SPATA20: variants seen among roughly 807,000 people sequenced by gnomAD.
SPATA20 encodes the protein spermatogenesis-associated protein 20.
A neutral mutation model predicts 98.9 loss-of-function variants in SPATA20; 74 were observed. That is an observed-to-expected ratio of 0.75 (90% confidence interval 0.62 to 0.91). The LOEUF (loss-of-function observed/expected upper bound fraction) is 0.91. Among genes scored for constraint, SPATA20 ranks in the 40% least tolerant of loss-of-function variants. The pLI is 0.00. For missense variants in SPATA20, 1,016 were observed against 1,069.8 expected (o/e 0.95, Z 0.70); for synonymous variants, 430 against 440.5 (o/e 0.98, Z 0.30).
At chr17:50,549,240 G>GC (rs772212586) in intron 6 of SPATA20, 46 bp from the exon 7 acceptor site, 2 of 1,598,892 alleles carry the variant, frequency 1.3e-6, no homozygotes, top group Non-Finnish European at 1.7e-6. Flanking sequence ...GGAAACAAGA[G>GC]CCCCTCCCCC....
In SPATA20 at chr17:50,551,158, A is replaced by G. The variant is rs1402137735; in HGVS notation, c.1544A>G (p.His515Arg). The G allele has an allele frequency of 1.9e-6, 3 of 1,610,008 alleles. No homozygotes were observed. Among genetic ancestry groups the G allele is most frequent in the East Asian group, 4.5e-5 (2 of 44,882 alleles). The change falls in exon 12 of 17, where the codon CAC (histidine) becomes CGC (arginine). Residue 515 changes from histidine (H) to arginine (R), a missense_variant. Coordinates refer to ENST00000006658, the MANE Select transcript of SPATA20 (RefSeq NM_022827.4). ...FQARKHRPKP[H>R]LDSKMLAAWN... ...GCCCGGAAGCATCGGCCCAAGCCGC[A>G]CCTGGACAGCAAGATGCTGGCTGCC...
chr17:50,554,202 C>T lies in SPATA20; in HGVS notation c.1958-49C>T, dbSNP rs372476215. The T allele has an allele frequency of 5.1e-6, 8 of 1,566,630 alleles. No individual in the cohort carries two copies. The African/African-American group carries it at 9.5e-5, about 19-fold the overall frequency. ...TACAGTCCTGGGCAGGGTCCTGGGACTCAGTGACCTGCCCTTACCCCCACC... is the reference window on the plus strand; with the variant it reads ...TACAGTCCTGGGCAGGGTCCTGGGATTCAGTGACCTGCCCTTACCCCCACC... On this transcript the variant is annotated intron_variant, in intron 14 of 16. Transcript: ENST00000006658.
Position 50,547,213 on chromosome 17 carries a change from T to G in SPATA20, c.5T>G (p.Leu2Arg). The G allele has an allele frequency of 7.0e-7, 1 of 1,428,158 alleles. No individual in the cohort carries two copies. The highest frequency in any genetic ancestry group is 9.1e-7 in the Non-Finnish European group (1 of 1,099,700). The allele number at this position is 1,428,158 out of a possible 1,614,324, so 88.5% of individuals were successfully genotyped here. A position where few individuals can be genotyped will look rare whatever the true frequency, so the allele number is the denominator to read the frequency against. Residue 2 changes from leucine to arginine, a missense_variant, in exon 1 of 17, where the codon CTG becomes CGG. Physicochemically the swap from Leu to Arg is moderately radical, Grantham distance 102. Transcript: ENST00000006658. MLGARAWLGRVL... is the reference protein window; with the variant it reads MRGARAWLGRVL... ...GGCCCACGGCCCCGAGCAGCCATGC[T>G]GGGCGCGCGGGCCTGGTTGGGCCGC...
intron 15 of SPATA20, among the ~76,000 whole-genome samples, chr17:50,554,765 G>A (rs2035074607): frequency 6.6e-6 from 1 of 152,086 alleles, no homozygotes; most frequent in African/African-American, 2.4e-5. Context: ...GGGGATGCTG[G>A]TGTGAGTGTT....
intron 15 of SPATA20, 72 bp downstream of exon 15, chr17:50,554,522 C>A: frequency 6.7e-7 from 1 of 1,502,066 alleles, no homozygotes; most frequent in Non-Finnish European, 9.1e-7. Flanking sequence ...CAGATGGGAA[C>A]AGGGGGTGGG....
intron 14 of SPATA20, 43 bp from the exon 15 acceptor site, chr17:50,554,208 G>T: frequency 1.3e-6 from 2 of 1,585,146 alleles, no homozygotes; most frequent in South Asian, 2.2e-5. Context: ...GGGACTCAGT[G>T]ACCTGCCCTT....
intron 14 of SPATA20, among the ~76,000 whole-genome samples, chr17:50,553,625 C>T (rs1016443716): frequency 4.0e-5 from 6 of 151,724 alleles, no homozygotes; most frequent in Admixed American, 1.3e-4. Context: ...GTGATCCTCC[C>T]GCCTCGGCTT....
chr17:50,548,914 G>C lies in SPATA20; in HGVS notation c.466G>C (p.Asp156His), dbSNP rs560510394. The change falls in exon 5 of 17, where the codon GAC (aspartate) becomes CAC (histidine). Residue 156 changes from aspartate (D) to histidine (H), a missense_variant. Coordinates refer to ENST00000006658, the MANE Select transcript of SPATA20 (RefSeq NM_022827.4). Reference protein sequence around the residue: ...LSEDFVSVKVDREERPDVDKV... With the variant: ...LSEDFVSVKVHREERPDVDKV... Reference sequence around the variant, plus strand: ...TGAGGACTTTGTGAGTGTGAAGGTAGACCGTGAGGAGCGGCCTGACGTGGA... The same window carrying C: ...TGAGGACTTTGTGAGTGTGAAGGTACACCGTGAGGAGCGGCCTGACGTGGA... 1 of 1,614,192 alleles carries C rather than the reference G, an allele frequency of 6.2e-7. No homozygotes were observed. The highest frequency in any genetic ancestry group is 1.3e-5 in the African/African-American group (1 of 75,054).
In SPATA20 at chr17:50,551,209, G is replaced by A. The variant is rs139662050; in HGVS notation, c.1576+19G>A. Reference sequence around the variant, plus strand: ...TGGAATGGTGGGGCAGCACACCTGAGACCGAGCCTGTCTGTAGGATCCCCC... The same window carrying A: ...TGGAATGGTGGGGCAGCACACCTGAAACCGAGCCTGTCTGTAGGATCCCCC... On this transcript the variant is annotated intron_variant, in intron 12 of 16. Transcript: ENST00000006658. The A allele has an allele frequency of 1.3e-6, 2 of 1,592,642 alleles. No individual in the cohort carries two copies. Among genetic ancestry groups the A allele is most frequent in the African/African-American group, 2.7e-5 (2 of 74,436 alleles).
rs2034972885 is a variant in SPATA20 at position 50,549,371 on chromosome 17, A to G, written c.746A>G (p.Asp249Gly). The change falls in exon 7 of 17, where the codon GAC (aspartate) becomes GGC (glycine). Residue 249 changes from aspartate (D) to glycine (G), a missense_variant. Coordinates refer to ENST00000006658, the MANE Select transcript of SPATA20 (RefSeq NM_022827.4). ...LLARSEISVG[D>G]RQLPPSAATV... ...GCCCGATCAGAGATCAGCGTGGGTG[A>G]CCGCCAGCTGCCGCCCTCTGCCGCC... The G allele has an allele frequency of 6.2e-7, 1 of 1,612,498 alleles. No homozygotes were observed. Among genetic ancestry groups the G allele is most frequent in the Non-Finnish European group, 8.5e-7 (1 of 1,179,934 alleles).
Position 50,548,424 on chromosome 17 carries a change from C to A in SPATA20, c.267C>A (p.Leu89=). 6.2e-7 allele frequency: 1 copy of A among 1,614,036 alleles called. No individual in the cohort carries two copies. The highest frequency in any genetic ancestry group is 8.5e-7 in the Non-Finnish European group (1 of 1,179,976). ...NRLIHEKSPY[L]LQHAYNPVDW... The stretch of plus-strand genomic sequence containing the variant: ...TGATCCACGAGAAGTCACCATACCT[C>A]CTACAACATGCCTACAATCCTGTGG... Residue 89 remains leucine, a synonymous_variant, in exon 3 of 17, where the codon CTC becomes CTA. Coordinates refer to ENST00000006658, the MANE Select transcript of SPATA20 (RefSeq NM_022827.4).
rs757174327 is a variant in SPATA20 at position 50,550,611 on chromosome 17, G to A, written c.1173+1G>A. The A allele has an allele frequency of 3.9e-5, 63 of 1,613,900 alleles. No homozygotes were observed. Among genetic ancestry groups the A allele is most frequent in the Non-Finnish European group, 5.2e-5 (61 of 1,180,012 alleles). On this transcript the variant is annotated splice_donor_variant, in intron 10 of 16. Coordinates refer to ENST00000006658, the MANE Select transcript of SPATA20 (RefSeq NM_022827.4). LOFTEE classifies it high-confidence loss of function. ...CGTGGCTCGGAGCCTGAGCCACCGG[G>A]TGTGTGTCCATGGTGGCAGGCAGGC...
chr17:50,550,142 G>C (rs2034987393), intron 8 of SPATA20, 27 bp downstream of exon 8: 1 of 1,612,612 alleles, frequency 6.2e-7, no homozygotes. Flanking sequence ...GTTCCCTGGA[G>C]GGGCAGCAGG....
In SPATA20 at chr17:50,550,234, C is replaced by T. The variant is rs1460797129; in HGVS notation, c.1020C>T (p.Arg340=). Residue 340 remains arginine (R), a synonymous_variant, in exon 9 of 17, where the codon CGC becomes CGT. Transcript: ENST00000006658. Reference sequence around the variant, plus strand: ...GCTTTCACCGCTACTCCACAGACCGCCAGTGGCACGTCCCTCACTTTGAGA... The same window carrying T: ...GCTTTCACCGCTACTCCACAGACCGTCAGTGGCACGTCCCTCACTTTGAGA... ...GQGFHRYSTD[R]QWHVPHFEKM... The T allele has an allele frequency of 5.0e-6, 8 of 1,611,822 alleles. No individual in the cohort carries two copies. Among genetic ancestry groups the T allele is most frequent in the Non-Finnish European group, 6.8e-6 (8 of 1,178,874 alleles).
intron 14 of SPATA20, among the ~76,000 whole-genome samples, chr17:50,553,764 G>C (rs75999477): frequency 6.6e-6 from 1 of 152,008 alleles, no homozygotes; most frequent in African/African-American, 2.4e-5. Flanking sequence ...AAGTGGGGGT[G>C]GGGGAAACAG....
intron 15 of SPATA20, 26 bp from the exon 16 acceptor site, chr17:50,555,206 C>A (rs375319605): frequency 6.2e-7 from 1 of 1,606,678 alleles, no homozygotes. Context: ...CCTGACACAC[C>A]GGAGTGACCT....
Position 50,550,810 on chromosome 17 carries a change from C to T in SPATA20, c.1276C>T (p.Gln426Ter). The change falls in exon 11 of 17, where the codon CAG becomes TAG. Residue 426 changes from glutamine to a stop codon, truncating the protein, a stop_gained. Coordinates refer to ENST00000006658, the MANE Select transcript of SPATA20 (RefSeq NM_022827.4). LOFTEE classifies it high-confidence loss of function. ...YYVWTVKEVQ[Q>*]LLPEPVLGAT... ...TGTGTGGACGGTCAAAGAGGTTCAG[C>T]AGCTCCTCCCGGAGCCTGTGTTGGG... 4 of 1,613,024 alleles carry T rather than the reference C, an allele frequency of 2.5e-6. No individual in the cohort carries two copies. The highest frequency in any genetic ancestry group is 3.4e-6 in the Non-Finnish European group (4 of 1,180,018).
Position 50,550,308 on chromosome 17 carries a change from TC to T in SPATA20, c.1096del (p.Gln366SerfsTer23), listed in dbSNP as rs765948946. 4 of 1,580,686 alleles carry T rather than the reference TC, an allele frequency of 2.5e-6. No homozygotes were observed. In the Admixed American group the frequency reaches 6.8e-5, roughly 27 times the overall value. Reference protein sequence around the residue: ...AQLAVAYSQAFQLSGDEFYSD... With the variant: ...AQLAVAYSQAXQLSGDEFYSD... ...CTCGCTGTGGCCTATTCGCAGGCCTTCCAGGTGACCCCTGACCCCAGCCCAG... is the reference window on the plus strand; with the variant it reads ...CTCGCTGTGGCCTATTCGCAGGCCTTCAGGTGACCCCTGACCCCAGCCCAG... On this transcript the variant is annotated frameshift_variant, in exon 9 of 17. Transcript: ENST00000006658. LOFTEE classifies it high-confidence loss of function.
chr17:50,549,854 C>T, intron 7 of SPATA20, 131 bp from the exon 8 acceptor site: 3 of 1,051,626 alleles, frequency 2.9e-6, no homozygotes, highest in East Asian at 2.4e-5. Flanking sequence ...GACTCTTGAC[C>T]TCACAGCCTG....
Sources: gnomAD v4.1 joint callset for allele counts (sites outside exome capture counted in the v4.1 genomes callset) on GRCh38, gnomAD v4.1.1 for gene constraint, MANE v1.5 for transcripts, NCBI Gene and HGNC (gene_info 2026-07-23, HGNC 2026-07-21) for gene names.